Variants in SIN3B observed in about 807,000 individuals in gnomAD.
The protein encoded by SIN3B is paired amphipathic helix protein Sin3b.
In SIN3B, 19 loss-of-function variants were observed where a neutral mutation model predicts 120.2. That is an observed-to-expected ratio of 0.16 (90% CI 0.11 to 0.23). SIN3B has a LOEUF of 0.23. Ranked by LOEUF, SIN3B falls within the 10% of genes least tolerant of loss-of-function variation. SIN3B has a pLI of 1.00. For synonymous variants in SIN3B, 654 were observed against 653.2 expected, an observed-to-expected ratio of 1.00 and a Z score of -0.02; for missense variants, 1,073 against 1,573.0, an observed-to-expected ratio of 0.68 and a Z score of 5.38.
chr19:16,869,759 G>T lies in SIN3B; in HGVS notation c.2106G>T (p.Ala702=), dbSNP rs199842663. ...TTDPSERKKP[A]PGPHSSPPEE... ...ACCCCAGTGAGCGGAAGAAGCCGGC[G>T]CCAGGACCCCACAGTAGCCCCCCAG... is the stretch of plus-strand genomic sequence containing the variant. The change falls in exon 13 of 19, where the codon GCG becomes GCT. Residue 702 remains alanine, a synonymous_variant. Coordinates refer to ENST00000248054, the MANE Select transcript of SIN3B (RefSeq NM_001297595.2). 6.2e-7 allele frequency: 1 copy of T among 1,613,226 alleles called. No individual in the cohort carries two copies. Among genetic ancestry groups the T allele is most frequent in the South Asian group, 1.1e-5 (1 of 91,076 alleles).
intron 8 of SIN3B, among the ~76,000 whole-genome samples, chr19:16,860,893 A>G (rs1470802063): frequency 2.0e-5 from 3 of 152,064 alleles, no homozygotes; most frequent in African/African-American, 7.2e-5. Flanking sequence ...GCGCCTGGCC[A>G]TAACTGCAAC....
chr19:16,877,256 G>A, intron 16 of SIN3B: 1 of 435,042 alleles, frequency 2.3e-6, no homozygotes, highest in East Asian at 4.2e-5. Context: ...CGGTGCTCCT[G>A]CCAAAGGCTC....
Position 16,876,398 on chromosome 19 carries a change from A to G in SIN3B, c.2767-88A>G, listed in dbSNP as rs1484628127. ...GCATCAGGGCTTTGGGAGGGTGGCA[A>G]AGGCGGGAGGCGGGTGGCCTTGCGA... On this transcript the variant is annotated intron_variant, in intron 15 of 18. Transcript: ENST00000248054. The surrounding 1 kb of genome is among the most constrained non-coding windows in gnomAD (Gnocchi z 7.1). The G allele has an allele frequency of 1.4e-6, 2 of 1,456,468 alleles. No individual in the cohort carries two copies. Among genetic ancestry groups the G allele is most frequent in the South Asian group, 1.2e-5 (1 of 81,704 alleles). The allele number at this position is 1,456,468 out of a possible 1,614,324, so 90.2% of individuals were successfully genotyped here. A position where few individuals can be genotyped will look rare whatever the true frequency, so the allele number is the denominator to read the frequency against.
At chr19:16,842,142 C>T (rs964199271) in intron 4 of SIN3B, among the ~76,000 whole-genome samples, 174 bp downstream of exon 4, 1 of 152,196 alleles carries the variant, frequency 6.6e-6, no homozygotes, top group Admixed American at 6.5e-5. Flanking sequence ...GGCTGGAGTG[C>T]AGTGGCACGG....
chr19:16,862,224 C>T lies in SIN3B; in HGVS notation c.1059-128C>T, dbSNP rs918599698. ...GTATTGGATTCTTCCGCCTCTCATT[C>T]GCATCCATGATGTTGAATTCTGACT... On this transcript the variant is annotated intron_variant, in intron 8 of 18. Coordinates refer to ENST00000248054, the MANE Select transcript of SIN3B (RefSeq NM_001297595.2). This position sits in a 1 kb window ranked among gnomAD's most constrained non-coding sequence, Gnocchi z 4.7. The T allele has an allele frequency of 1.1e-4, 81 of 726,898 alleles. No homozygotes were observed. The highest frequency in any genetic ancestry group is 1.1e-3 in the African/African-American group (62 of 56,708). 45.0% of individuals were successfully genotyped at this position (726,898 alleles called of 1,614,324 possible). A position where few individuals can be genotyped will look rare whatever the true frequency, so the allele number is the denominator to read the frequency against.
At chr19:16,874,884 CTGGTCTGGTTT>C (rs1332938983) in intron 14 of SIN3B, among the ~76,000 whole-genome samples, 1 of 146,662 alleles carries the variant, frequency 6.8e-6, no homozygotes, top group East Asian at 2.1e-4. Flanking sequence ...CTAGTCTGGT[CTGGTCTGGTTT>C]TGGTCTGGTC....
intron 3 of SIN3B, among the ~76,000 whole-genome samples, chr19:16,835,415 G>A (rs1971335324): frequency 6.6e-6 from 1 of 150,940 alleles, no homozygotes; most frequent in Non-Finnish European, 1.5e-5. Flanking sequence ...TTTTAGTAGA[G>A]ATGGGATTTC....
At chr19:16,841,563 G>A (rs1568413871) in intron 3 of SIN3B, among the ~76,000 whole-genome samples, 1 of 152,038 alleles carries the variant, frequency 6.6e-6, no homozygotes, top group Non-Finnish European at 1.5e-5. Flanking sequence ...GGTAAGGATC[G>A]GGTGGAGGTG....
At chr19:16,847,493 G>A (rs536147808) in intron 5 of SIN3B, among the ~76,000 whole-genome samples, 79 of 152,338 alleles carry the variant, frequency 5.2e-4, no homozygotes, top group African/African-American at 1.8e-3. Context: ...CACAATCATC[G>A]CTTCCCCTGT....
intron 11 of SIN3B, 149 bp from the exon 12 acceptor site, chr19:16,866,224 A>G (rs905263365): frequency 2.8e-6 from 2 of 702,800 alleles, no homozygotes; most frequent in Admixed American, 5.9e-5. Context: ...TGACGTGCAC[A>G]GAGCCCACTG....
At chr19:16,833,079 G>T (rs946422871) in intron 3 of SIN3B, among the ~76,000 whole-genome samples, 2 of 152,130 alleles carry the variant, frequency 1.3e-5, no homozygotes, top group Non-Finnish European at 2.9e-5. Flanking sequence ...CTCCCTGGGG[G>T]GCAAAAGTGC....
At chr19:16,831,409 T>C in intron 2 of SIN3B, 85 bp from the exon 3 acceptor site, 1 of 1,365,822 alleles carries the variant, frequency 7.3e-7, no homozygotes, top group South Asian at 1.3e-5. Flanking sequence ...GGTTTTTATG[T>C]GGCAGTATCA....
chr19:16,831,529 A>G lies in SIN3B; in HGVS notation c.263A>G (p.Gln88Arg). The change falls in exon 3 of 19, where the codon CAG becomes CGG. Residue 88 changes from glutamine to arginine, a missense_variant. Coordinates refer to ENST00000248054, the MANE Select transcript of SIN3B (RefSeq NM_001297595.2). The stretch of plus-strand genomic sequence containing the variant: ...CCTGGAGTCATCAGACGTGTCTCGC[A>G]GCTCTTCCACGAGCACCCTGACCTC... The part of the protein sequence containing the change: ...DTPGVIRRVS[Q>R]LFHEHPDLIV... 3 of 1,614,124 alleles carry G rather than the reference A, an allele frequency of 1.9e-6. No individual in the cohort carries two copies. The highest frequency in any genetic ancestry group is 2.5e-6 in the Non-Finnish European group (3 of 1,179,996).
rs775717106 is a variant in SIN3B at position 16,847,008 on chromosome 19, C to A, written c.621C>A (p.Gly207=). ...QLNTRGRPFR[G]MSEEEVFTEV... is the part of the protein sequence containing the mutation. ...ACACGAGGGGCCGGCCATTCCGAGGCATGTCTGAAGAGGAGGTGTTCACCG... is the reference window on the plus strand; with the variant it reads ...ACACGAGGGGCCGGCCATTCCGAGGAATGTCTGAAGAGGAGGTGTTCACCG... Residue 207 remains glycine, a synonymous_variant, in exon 5 of 19, where the codon GGC becomes GGA. Transcript: ENST00000248054. 4.3e-6 allele frequency: 7 copies of A among 1,614,070 alleles called. No individual in the cohort carries two copies. In the South Asian group the frequency reaches 6.6e-5, roughly 15 times the overall value.
chr19:16,875,852 CTGTT>C (rs1172711738), intron 14 of SIN3B, 199 bp from the exon 15 acceptor site: 10 of 614,298 alleles, frequency 1.6e-5, no homozygotes, highest in Admixed American at 9.1e-5. Flanking sequence ...CTGGTCTGGT[CTGTT>C]TGGTCTGGTC....
intron 5 of SIN3B, 60 bp from the exon 6 acceptor site, chr19:16,851,352 C>G: frequency 6.7e-7 from 1 of 1,500,582 alleles, no homozygotes; most frequent in Non-Finnish European, 8.9e-7. Context: ...GCTCTGCATG[C>G]TCAGGTGCAT....
intron 3 of SIN3B, among the ~76,000 whole-genome samples, chr19:16,838,675 TTTTC>T (rs1971378329): frequency 6.6e-6 from 1 of 152,100 alleles, no homozygotes; most frequent in Non-Finnish European, 1.5e-5. Context: ...CGTGTTTTCT[TTTTC>T]TTTTTTTTTC....
chr19:16,874,089 C>T (rs889531055), intron 14 of SIN3B, among the ~76,000 whole-genome samples: 5 of 152,232 alleles, frequency 3.3e-5, no homozygotes, highest in African/African-American at 1.2e-4. Flanking sequence ...ACGATCCCTG[C>T]TGTTTCCATT....
At chr19:16,867,085 C>G (rs1599609331) in intron 12 of SIN3B, among the ~76,000 whole-genome samples, 1 of 152,218 alleles carries the variant, frequency 6.6e-6, no homozygotes, top group Admixed American at 6.5e-5. Context: ...AAGTCTCCGT[C>G]CCTCCCGTGG....
Sources: gnomAD v4.1 joint callset for allele counts (sites outside exome capture counted in the v4.1 genomes callset) on GRCh38, gnomAD v4.1.1 for gene constraint, Gnocchi (gnomAD v3.1) non-coding constraint, MANE v1.5 for transcripts, NCBI Gene and HGNC (gene_info 2026-07-23, HGNC 2026-07-21) for gene names.